Variants in ECT2 observed in about 807,000 individuals in gnomAD.
The protein encoded by ECT2 is protein ECT2.
ECT2 carries 61 observed loss-of-function variants against 116.9 expected under a neutral mutation model. The ratio of observed to expected loss-of-function variants is 0.52; its 90% CI spans 0.42 to 0.65. ECT2 has a LOEUF of 0.65. Among genes scored for constraint, ECT2 ranks in the 30% least tolerant of loss-of-function variants. ECT2 has a pLI of 0.00. For missense variants in ECT2, 937 were observed against 1,078.7 expected (o/e 0.87, Z 1.84); for synonymous variants, 358 against 346.4 (o/e 1.03, Z -0.37).
chr3:172,780,635 TC>T (rs1722531912), intron 14 of ECT2, among the ~76,000 whole-genome samples: 1 of 152,316 alleles, frequency 6.6e-6, no homozygotes. Flanking sequence ...CACGTCAGCC[TC>T]CTGAGAAGCT....
chr3:172,775,212 G>A (rs1056274475), intron 14 of ECT2, among the ~76,000 whole-genome samples: 1 of 152,150 alleles, frequency 6.6e-6, no homozygotes, highest in Non-Finnish European at 1.5e-5. Context: ...GAGCAAAGTT[G>A]ATCAGTTTTC....
intron 22 of ECT2, among the ~76,000 whole-genome samples, chr3:172,812,183 C>T (rs1442314364): frequency 2.6e-5 from 4 of 152,044 alleles, no homozygotes; most frequent in Admixed American, 6.6e-5. Context: ...GGGGTTTCAC[C>T]GTGTTGGCCA....
rs1729565555 is a variant in ECT2, at chr3:172,815,653, A to G, written c.2450A>G (p.Lys817Arg). 14 of 1,604,872 alleles carry G rather than the reference A, an allele frequency of 8.7e-6. No individual in the cohort carries two copies. Among genetic ancestry groups the G allele is most frequent in the Non-Finnish European group, 1.2e-5 (14 of 1,176,504 alleles). ...CCAGAATCCTTTGAAGTAAATACAA[A>G]AGATATGGACAGTACATTGAGTAGA... ...ADPESFEVNTKDMDSTLSRAS... is the reference protein window; with the variant it reads ...ADPESFEVNTRDMDSTLSRAS... Residue 817 changes from lysine (K) to arginine (R), a missense_variant, in exon 23 of 25, where the codon AAA (lysine) becomes AGA (arginine). Lys to Arg is a conservative substitution (Grantham distance 26). Transcript: ENST00000392692.
At chr3:172,757,928 C>T (rs1717391873) in intron 5 of ECT2, among the ~76,000 whole-genome samples, 1 of 151,932 alleles carries the variant, frequency 6.6e-6, no homozygotes, top group African/African-American at 2.4e-5. Context: ...ACGATCTCTG[C>T]TCACTGCAAC....
chr3:172,765,240 C>A (rs57208770), intron 12 of ECT2, among the ~76,000 whole-genome samples: 9,327 of 152,172 alleles, frequency 0.061, 961 homozygotes, highest in African/African-American at 0.21. Flanking sequence ...TTTATGGACA[C>A]AATTTTTTTT....
At chr3:172,764,639 C>T (rs1718978786) in intron 12 of ECT2, 139 bp downstream of exon 12, 1 of 746,604 alleles carries the variant, frequency 1.3e-6, no homozygotes, top group African/African-American at 1.8e-5. Context: ...AGAAAAGACA[C>T]ATGAATAGTT....
chr3:172,760,132 GT>G (rs1221824996), intron 6 of ECT2, 23 bp from the exon 7 acceptor site: 5 of 1,524,774 alleles, frequency 3.3e-6, no homozygotes, highest in Non-Finnish European at 3.6e-6. Flanking sequence ...CATAAAGTCA[GT>G]GTTGCTTAAT....
intron 22 of ECT2, among the ~76,000 whole-genome samples, chr3:172,815,125 A>G (rs750981348): frequency 5.3e-5 from 8 of 152,114 alleles, no homozygotes; most frequent in Non-Finnish European, 8.8e-5. Context: ...TTTGCACCCA[A>G]TTTCTGTTCA....
At chr3:172,829,070 T>C in the ECT2 span, 3 of 709,758 alleles carry the variant, frequency 4.2e-6, no homozygotes, top group Non-Finnish European at 7.8e-6. Context: ...TTAGATGAAC[T>C]CTCTGGGCTA....
chr3:172,776,294 G>A (rs550640680), intron 14 of ECT2, among the ~76,000 whole-genome samples: 73 of 147,598 alleles, frequency 4.9e-4, no homozygotes, highest in Admixed American at 2.0e-3. Context: ...CTGATTGCAG[G>A]TTTGTCAAAT....
chr3:172,822,911 T>C (rs1449681993), downstream of ECT2, among the ~76,000 whole-genome samples: 1 of 151,946 alleles, frequency 6.6e-6, no homozygotes, highest in Non-Finnish European at 1.5e-5. Flanking sequence ...TAATAGGATA[T>C]CTGGAGAGAA....
intron 18 of ECT2, among the ~76,000 whole-genome samples, chr3:172,790,900 AT>A (rs1193654713): frequency 2.0e-5 from 3 of 152,228 alleles, no homozygotes; most frequent in African/African-American, 7.2e-5. Flanking sequence ...CATGCCAGTA[AT>A]CCCAGCACTT....
At chr3:172,755,223 A>G (rs1318707368) in intron 2 of ECT2, 72 bp from the exon 3 acceptor site, 4 of 1,213,026 alleles carry the variant, frequency 3.3e-6, no homozygotes, top group Non-Finnish European at 4.6e-6. Context: ...GATATAGCCA[A>G]AAGAGCGATA....
intron 24 of ECT2, among the ~76,000 whole-genome samples, chr3:172,818,007 C>T (rs910505803): frequency 1.3e-5 from 2 of 152,128 alleles, no homozygotes; most frequent in Middle Eastern, 3.4e-3. Context: ...AAGGATTAAG[C>T]GAGTTATTAT....
chr3:172,803,760 T>TTTTTC (rs1367936441), intron 20 of ECT2, among the ~76,000 whole-genome samples: 1 of 152,024 alleles, frequency 6.6e-6, no homozygotes, highest in Admixed American at 6.6e-5. Flanking sequence ...TTTTCTTTTC[T>TTTTTC]TTTTCTTTTC....
intron 20 of ECT2, among the ~76,000 whole-genome samples, chr3:172,805,288 T>C (rs1281332231): frequency 6.6e-6 from 1 of 152,192 alleles, no homozygotes; most frequent in East Asian, 1.9e-4. Flanking sequence ...TTAAACTCTG[T>C]ACTAGCATTT....
rs113368120 is a variant in ECT2 at position 172,810,709 on chromosome 3, G to T, written c.2400+2785G>T. Among the ~76,000 whole-genome samples the T allele has an allele frequency of 7.1e-3, 1,077 of 152,204 alleles. 16 individuals carry two copies. The highest frequency in any genetic ancestry group is 8.9e-3 in the Non-Finnish European group (602 of 67,976). On this transcript the variant is annotated intron_variant, in intron 22 of 24. Coordinates refer to ENST00000392692, the MANE Select transcript of ECT2 (RefSeq NM_001258315.2). ...GTAAGAGGAGAGCTTAGGGAAAGGG[G>T]AGAAGTGTCTCATAACTCACGAGTA... is the stretch of plus-strand genomic sequence containing the variant.
At position 172,805,961 on chromosome 3, in the gene ECT2, A is replaced by G. The variant is rs929762336; in HGVS notation, c.2245+92A>G. On this transcript the variant is annotated intron_variant, in intron 21 of 24. Transcript: ENST00000392692. ...TCCATTTTGGCTTTTTTAAATTGGTAAATTATCTTTAAATATAGTTGGTCA... is the reference window on the plus strand; with the variant it reads ...TCCATTTTGGCTTTTTTAAATTGGTGAATTATCTTTAAATATAGTTGGTCA... 52 of 1,335,040 alleles carry G rather than the reference A, an allele frequency of 3.9e-5. No homozygotes were observed. The East Asian group carries it at 1.3e-3, about 33-fold the overall frequency. 82.7% of individuals were successfully genotyped at this position (1,335,040 alleles called of 1,614,324 possible). A position where few individuals can be genotyped will look rare whatever the true frequency, so the allele number is the denominator to read the frequency against.
At chr3:172,756,793 T>C (rs1366608408) in intron 4 of ECT2, among the ~76,000 whole-genome samples, 190 bp from the exon 5 acceptor site, 1 of 152,216 alleles carries the variant, frequency 6.6e-6, no homozygotes, top group African/African-American at 2.4e-5. Flanking sequence ...TATGTAAAAA[T>C]GTAAGTACGT....
Sources: allele counts gnomAD v4.1 joint callset (sites outside exome capture counted in the v4.1 genomes callset), GRCh38; gene constraint gnomAD v4.1.1; transcripts MANE v1.5; gene names NCBI Gene and HGNC (gene_info 2026-07-23, HGNC 2026-07-21).